ITGA4: variants seen among roughly 807,000 people sequenced by gnomAD.
ITGA4 encodes the protein integrin subunit alpha 4, also known as integrin alpha-4.
ITGA4 carries 63 observed loss-of-function variants against 133.6 expected under a neutral mutation model. The ratio of observed to expected loss-of-function variants is 0.47; its 90% CI spans 0.38 to 0.58. The LOEUF (loss-of-function observed/expected upper bound fraction) is 0.58, where lower values mean the gene tolerates loss of function less well. Among genes scored for constraint, ITGA4 ranks in the 20% least tolerant of loss-of-function variants. ITGA4 has a pLI of 0.00. For synonymous variants in ITGA4, 483 were observed against 438.0 expected, an observed-to-expected ratio of 1.10 and a Z score of -1.28; for missense variants, 1,076 against 1,252.7, an observed-to-expected ratio of 0.86 and a Z score of 2.13.
chr2:181,498,478 G>T, intron 14 of ITGA4, 145 bp from the exon 15 acceptor site: 1 of 436,620 alleles, frequency 2.3e-6, no homozygotes, highest in Non-Finnish European at 4.0e-6. Context: ...TCATATTTCA[G>T]GTTAGTCTTT....
chr2:181,468,307 G>A (rs1685469120), intron 2 of ITGA4, among the ~76,000 whole-genome samples: 1 of 152,168 alleles, frequency 6.6e-6, no homozygotes, highest in South Asian at 2.1e-4. Context: ...AAGTAGGGGA[G>A]AATCATAGTA....
chr2:181,466,935 G>A (rs1000341904), intron 2 of ITGA4, among the ~76,000 whole-genome samples: 2 of 152,044 alleles, frequency 1.3e-5, no homozygotes, highest in Non-Finnish European at 2.9e-5. Flanking sequence ...GCATACACAA[G>A]CATAAGTTTT....
At chr2:181,461,120 A>G (rs1685264623) in intron 2 of ITGA4, among the ~76,000 whole-genome samples, 2 of 150,686 alleles carry the variant, frequency 1.3e-5, no homozygotes, top group African/African-American at 4.9e-5. Flanking sequence ...GAAGGTCCAT[A>G]TCTCGCCTAC....
At chr2:181,464,920 T>G (rs155149) in intron 2 of ITGA4, among the ~76,000 whole-genome samples, 119,677 of 151,982 alleles carry the variant, frequency 0.79, 47,383 homozygotes, top group Middle Eastern at 0.84. Context: ...CTTGTTCTCA[T>G]TTTACCTCTG....
rs1275701372 is a variant in ITGA4, at chr2:181,536,674, T to TTCATGAAATGTAAAATATTTTTATA, written c.*1148_*1172dup. ...ATATAAATGAGACGACAGCAAAATT[T>TTCATGAAATGTAAAATATTTTTATA]TCATGAAATGTAAAATATTTTTATA... On this transcript the variant is annotated 3_prime_UTR_variant, in exon 28 of 28. Coordinates refer to ENST00000397033, the MANE Select transcript of ITGA4 (RefSeq NM_000885.6). The TTCATGAAATGTAAAATATTTTTATA allele has an allele frequency of 5.6e-6, 1 of 179,044 alleles. No homozygotes were observed. Among genetic ancestry groups the TTCATGAAATGTAAAATATTTTTATA allele is most frequent in the Non-Finnish European group, 1.2e-5 (1 of 83,574 alleles). The allele number at this position is 179,044 out of a possible 1,614,324, so 11.1% of individuals were successfully genotyped here.
chr2:181,506,028 A>G (rs552063110), intron 15 of ITGA4, among the ~76,000 whole-genome samples: 3 of 152,268 alleles, frequency 2.0e-5, no homozygotes, highest in East Asian at 3.9e-4. Context: ...TTTCATGTTG[A>G]GATGATCACT....
In ITGA4 at chr2:181,523,557, T is replaced by C; in HGVS notation, c.2169+25T>C. 1.7e-6 allele frequency: 2 copies of C among 1,209,952 alleles called. No individual in the cohort carries two copies. The highest frequency in any genetic ancestry group is 2.4e-6 in the Non-Finnish European group (2 of 817,212). 75.0% of individuals were successfully genotyped at this position (1,209,952 alleles called of 1,614,324 possible). A position where few individuals can be genotyped will look rare whatever the true frequency, so the allele number is the denominator to read the frequency against. ...GGTAAGTGTTTCATATTTATGGCTTTTGTTCACTATCATGAATATTTTTTT... is the reference window on the plus strand; with the variant it reads ...GGTAAGTGTTTCATATTTATGGCTTCTGTTCACTATCATGAATATTTTTTT... On this transcript the variant is annotated intron_variant, in intron 19 of 27. Coordinates refer to ENST00000397033, the MANE Select transcript of ITGA4 (RefSeq NM_000885.6). This position sits in a 1 kb window ranked among gnomAD's most constrained non-coding sequence, Gnocchi z 4.2.
intron 25 of ITGA4, among the ~76,000 whole-genome samples, chr2:181,533,738 C>G (rs79136814): frequency 0.018 from 2,810 of 152,220 alleles, 73 homozygotes; most frequent in African/African-American, 0.064. Context: ...CTTTAAGAAT[C>G]TGACTAAATA....
intron 21 of ITGA4, among the ~76,000 whole-genome samples, chr2:181,525,640 T>A (rs527734588): frequency 6.6e-6 from 1 of 152,324 alleles, no homozygotes; most frequent in South Asian, 2.1e-4. Flanking sequence ...TTAATGCCCA[T>A]GTCAAGTGTG....
Position 181,537,867 on chromosome 2 carries a change from G to T in ITGA4, c.*2340G>T. The T allele has an allele frequency of 1.9e-6, 1 of 526,976 alleles. No homozygotes were observed. The highest frequency in any genetic ancestry group is 5.4e-4 in the Middle Eastern group (1 of 1,854). The allele number at this position is 526,976 out of a possible 1,614,324, so 32.6% of individuals were successfully genotyped here. On this transcript the variant is annotated 3_prime_UTR_variant, in exon 28 of 28. Transcript: ENST00000397033. The stretch of plus-strand genomic sequence containing the variant: ...ATTAGGATATCCGTTTGGCCACACA[G>T]CAGGAGGTTAGAGCAATGGAGCATT...
chr2:181,485,157 A>G (rs1340765391), intron 9 of ITGA4, among the ~76,000 whole-genome samples: 1 of 152,202 alleles, frequency 6.6e-6, no homozygotes, highest in Non-Finnish European at 1.5e-5. Context: ...TCCTCAACTC[A>G]GAAACCTTCA....
intron 7 of ITGA4, among the ~76,000 whole-genome samples, 193 bp from the exon 8 acceptor site, chr2:181,482,167 A>C (rs1685818829): frequency 6.6e-6 from 1 of 152,180 alleles, no homozygotes; most frequent in Non-Finnish European, 1.5e-5. Flanking sequence ...CTGAGAAAAT[A>C]CTTTTGCAAG....
At chr2:181,527,037 C>T (rs1365975300) in intron 21 of ITGA4, among the ~76,000 whole-genome samples, 1 of 151,220 alleles carries the variant, frequency 6.6e-6, no homozygotes, top group Admixed American at 6.6e-5. Flanking sequence ...GGTTTCACCA[C>T]GTTGGCCAGG....
chr2:181,532,382 C>T (rs150560741), intron 25 of ITGA4, among the ~76,000 whole-genome samples: 152 of 152,270 alleles, frequency 1.0e-3, no homozygotes, highest in African/African-American at 3.5e-3. Flanking sequence ...TCTTCCTATC[C>T]ATGAGCATAG....
chr2:181,483,209 T>C (rs1685844028), intron 9 of ITGA4, among the ~76,000 whole-genome samples: 1 of 152,202 alleles, frequency 6.6e-6, no homozygotes, highest in African/African-American at 2.4e-5. Flanking sequence ...ATTAGTTGCA[T>C]AAATAGGTAA....
rs370333613 is a variant in ITGA4, at chr2:181,478,811, G to C, written c.611G>C (p.Ser204Thr). Residue 204 changes from serine to threonine, a missense_variant, in exon 5 of 28, where the codon AGT (serine) becomes ACT (threonine). Transcript: ENST00000397033. Reference sequence around the variant, plus strand: ...GCATCATGTCAAGCTGGAATATCCAGTTTTTACACAAAGGTAATTGTTCAA... The same window carrying C: ...GCATCATGTCAAGCTGGAATATCCACTTTTTACACAAAGGTAATTGTTCAA... The part of the protein sequence containing the change: ...NFASCQAGIS[S>T]FYTKDLIVMG... 1.4e-6 allele frequency: 2 copies of C among 1,465,690 alleles called. No individual in the cohort carries two copies. Among genetic ancestry groups the C allele is most frequent in the African/African-American group, 2.8e-5 (2 of 70,760 alleles). 90.8% of individuals were successfully genotyped at this position (1,465,690 alleles called of 1,614,324 possible). A position where few individuals can be genotyped will look rare whatever the true frequency, so the allele number is the denominator to read the frequency against.
chr2:181,507,084 C>A (rs1024264464), intron 15 of ITGA4, among the ~76,000 whole-genome samples: 1 of 152,042 alleles, frequency 6.6e-6, no homozygotes, highest in Admixed American at 6.6e-5. Flanking sequence ...AAAGTAGAGT[C>A]AAAAACTGAG....
intron 22 of ITGA4, among the ~76,000 whole-genome samples, chr2:181,527,963 A>G (rs1322750181): frequency 6.6e-6 from 1 of 152,222 alleles, no homozygotes; most frequent in African/African-American, 2.4e-5. Flanking sequence ...GTTTTTAAAA[A>G]CATTTTTTGC....
At chr2:181,479,027 C>A in intron 5 of ITGA4, 1 of 367,078 alleles carries the variant, frequency 2.7e-6, no homozygotes, top group Non-Finnish European at 5.0e-6. Context: ...GGTGGCTATA[C>A]TGCATAAGAT....
Sources: allele counts gnomAD v4.1 joint callset (sites outside exome capture counted in the v4.1 genomes callset), GRCh38; gene constraint gnomAD v4.1.1; non-coding constraint Gnocchi (gnomAD v3.1); transcripts MANE v1.5; gene names NCBI Gene and HGNC (gene_info 2026-07-23, HGNC 2026-07-21).